Variants in SPTB observed in about 807,000 individuals in gnomAD.
SPTB encodes spectrin beta, erythrocytic.
In SPTB, 45 loss-of-function variants were observed where a neutral mutation model predicts 256.2. The observed-to-expected ratio is 0.18, with a 90% CI of 0.14 to 0.23. The LOEUF (loss-of-function observed/expected upper bound fraction) is 0.23. SPTB is among the 10% of genes least tolerant of loss of function. The pLI is 1.00. For synonymous variants in SPTB, 1,231 were observed against 1,243.1 expected (o/e 0.99, Z 0.21); for missense variants, 2,715 against 3,040.4 (o/e 0.89, Z 2.52).
In SPTB at chr14:64,777,465, T is replaced by C. The variant is rs552479526; in HGVS notation, c.4563+1692A>G. Among the ~76,000 whole-genome samples the C allele has an allele frequency of 9.2e-5, 14 of 152,298 alleles. No homozygotes were observed. The highest frequency in any genetic ancestry group is 3.9e-4 in the Admixed American group (6 of 15,306). ...ATCTGTCTAAAAGTTCCCTAGGTGA[T>C]GTGAGTGTACAGCCAGGGGTGAGAG... On this transcript the variant is annotated intron_variant, in intron 22 of 35. Transcript: ENST00000644917. The surrounding 1 kb of genome is among the most constrained non-coding windows in gnomAD (Gnocchi z 4.5).
intron 2 of SPTB, among the ~76,000 whole-genome samples, chr14:64,822,351 T>TCTCTC (rs2083302554): frequency 1.2e-4 from 1 of 8,190 alleles, no homozygotes; most frequent in African/African-American, 6.5e-4. Flanking sequence ...CACCCCCACC[T>TCTCTC]TCTCTCTCTC....
intron 1 of SPTB, among the ~76,000 whole-genome samples, chr14:64,863,803 T>C (rs1283660208): frequency 6.6e-6 from 1 of 152,208 alleles, no homozygotes; most frequent in East Asian, 1.9e-4. Context: ...GGCTTTTGGG[T>C]CAAGTAGATC....
rs2083016028 is a variant in SPTB at position 64,807,946 on chromosome 14, G to C, written c.149-2856C>G. ...CCCTAACCCTGCCAGTGCAGGAAGG[G>C]GGTGAGTCCACCAGCATGGACTGGC... On this transcript the variant is annotated intron_variant, in intron 2 of 35. Coordinates refer to ENST00000644917, the MANE Select transcript of SPTB (RefSeq NM_001355436.2). The surrounding 1 kb of genome is among the most constrained non-coding windows in gnomAD (Gnocchi z 4.7). 6.6e-6 allele frequency among the ~76,000 whole-genome samples: 1 copy of C among 152,236 alleles called. No homozygotes were observed. Among genetic ancestry groups the C allele is most frequent in the African/African-American group, 2.4e-5 (1 of 41,466 alleles).
At position 64,747,528 on chromosome 14, in the gene SPTB, C is replaced by T. The variant is rs561482308; in HGVS notation, c.*1778G>A. 34 of 152,750 alleles carry T rather than the reference C, an allele frequency of 2.2e-4. No homozygotes were observed. The highest frequency in any genetic ancestry group is 7.7e-4 in the African/African-American group (32 of 41,582). The allele number at this position is 152,750 out of a possible 1,614,324, so 9.5% of individuals were successfully genotyped here. The stretch of plus-strand genomic sequence containing the variant: ...TCAGGCTCCATCGGATGACGTCTTC[C>T]TTCCTGTGGCTCCTGCCTGCTGCAG... On this transcript the variant is annotated 3_prime_UTR_variant, in exon 36 of 36. Transcript: ENST00000644917.
Position 64,746,444 on chromosome 14 carries a change from T to G in SPTB, c.*2862A>C, listed in dbSNP as rs1034948799. 7.9e-5 allele frequency: 12 copies of G among 152,728 alleles called. No homozygotes were observed. The highest frequency in any genetic ancestry group is 2.4e-4 in the African/African-American group (10 of 41,452). 9.5% of individuals were successfully genotyped at this position (152,728 alleles called of 1,614,324 possible). On this transcript the variant is annotated 3_prime_UTR_variant, in exon 36 of 36. Transcript: ENST00000644917. The surrounding 1 kb of genome is among the most constrained non-coding windows in gnomAD (Gnocchi z 4.9). ...GTTGCATTCCTCTGCAGCCGCCGCC[T>G]CCTCATTTCCTCCCTGAGCTTGTTT...
rs370207013 is a variant in SPTB, at chr14:64,749,315, T to C, written c.6978A>G (p.Lys2326=). ...DKEKRFSFFP[K]KK The stretch of plus-strand genomic sequence containing the variant: ...CCGCCAGCCCCACCTGCTACTTCTT[T>C]TTGGGGAAGAAGCTGAATCTCTTCT... The change falls in exon 36 of 36, where the codon AAA becomes AAG. Residue 2326 remains lysine, a synonymous_variant. Transcript: ENST00000644917. The surrounding 1 kb of genome is among the most constrained non-coding windows in gnomAD (Gnocchi z 4.7). 5.6e-6 allele frequency: 9 copies of C among 1,603,996 alleles called. No homozygotes were observed. The African/African-American group carries it at 8.0e-5, about 14-fold the overall frequency.
At chr14:64,820,697 GTCTTGC>G (rs1280919490) in intron 2 of SPTB, among the ~76,000 whole-genome samples, 1 of 152,158 alleles carries the variant, frequency 6.6e-6, no homozygotes, top group African/African-American at 2.4e-5. Flanking sequence ...TAAACACAGA[GTCTTGC>G]TCTGTCACCC....
At position 64,753,810 on chromosome 14, in the gene SPTB, G is replaced by A; in HGVS notation, c.6346-17C>T. On this transcript the variant is annotated splice_polypyrimidine_tract_variant and intron_variant, in intron 32 of 35. Transcript: ENST00000644917. The stretch of plus-strand genomic sequence containing the variant: ...TTCTTCCCCCTGCTCAGGGCATAGG[G>A]AGGAGCACACCTTTCTGGGTACTCT... 1 of 1,611,376 alleles carries A rather than the reference G, an allele frequency of 6.2e-7. No individual in the cohort carries two copies. Among genetic ancestry groups the A allele is most frequent in the Non-Finnish European group, 8.5e-7 (1 of 1,180,012 alleles).
intron 2 of SPTB, among the ~76,000 whole-genome samples, chr14:64,822,372 T>TCACACACACACACA (rs1355459775): frequency 0.015 from 37 of 2,422 alleles, 1 homozygote; most frequent in Non-Finnish European, 0.028. Context: ...TCTCTCTCTC[T>TCACACACACACACA]CTCACACACA....
Position 64,785,897 on chromosome 14 carries a change from C to T in SPTB, c.3616G>A (p.Gly1206Arg), listed in dbSNP as rs1452230204. The change falls in exon 17 of 36, where the codon GGG becomes AGG. Residue 1206 changes from glycine (G) to arginine (R), a missense_variant. Coordinates refer to ENST00000644917, the MANE Select transcript of SPTB (RefSeq NM_001355436.2). This position sits in a 1 kb window ranked among gnomAD's most constrained non-coding sequence, Gnocchi z 4.4. ...AAGAAATCCTCAAACTTCCGGATCC[C>T]AGCCTCTGCAGCTTCCAGGGAGTCT... is the stretch of plus-strand genomic sequence containing the variant. ...PPDSLEAAEA[G>R]IRKFEDFLGS... 1 of 1,614,114 alleles carries T rather than the reference C, an allele frequency of 6.2e-7. No individual in the cohort carries two copies. Among genetic ancestry groups the T allele is most frequent in the South Asian group, 1.1e-5 (1 of 91,072 alleles).
At chr14:64,808,880 G>T (rs1354235511) in intron 2 of SPTB, among the ~76,000 whole-genome samples, 1 of 152,038 alleles carries the variant, frequency 6.6e-6, no homozygotes, top group Non-Finnish European at 1.5e-5. Flanking sequence ...GAGTGGTTGA[G>T]GGGGCACCTG....
rs1490791745 is a variant in SPTB at position 64,802,358 on chromosome 14, A to T, written c.475-41T>A. On this transcript the variant is annotated intron_variant, in intron 4 of 35. Coordinates refer to ENST00000644917, the MANE Select transcript of SPTB (RefSeq NM_001355436.2). This position sits in a 1 kb window ranked among gnomAD's most constrained non-coding sequence, Gnocchi z 5.1. ...CAAGAGAGATTTGAAGAGGATGTGCATCTGGATCTGTGCTTTCCTGCCGTC... is the reference window on the plus strand; with the variant it reads ...CAAGAGAGATTTGAAGAGGATGTGCTTCTGGATCTGTGCTTTCCTGCCGTC... 6.3e-7 allele frequency: 1 copy of T among 1,595,642 alleles called. No individual in the cohort carries two copies. The highest frequency in any genetic ancestry group is 8.6e-7 in the Non-Finnish European group (1 of 1,165,170).
chr14:64,832,338 G>A (rs1022349375), intron 1 of SPTB, among the ~76,000 whole-genome samples: 1 of 152,164 alleles, frequency 6.6e-6, no homozygotes, highest in Admixed American at 6.5e-5. Flanking sequence ...AAAATTTTCT[G>A]AAATCATTTC....
intron 1 of SPTB, among the ~76,000 whole-genome samples, chr14:64,854,059 G>A (rs1248607583): frequency 1.3e-5 from 2 of 151,720 alleles, no homozygotes; most frequent in African/African-American, 4.8e-5. Flanking sequence ...GGGCATGGTG[G>A]CAGGTGACTG....
In SPTB at chr14:64,793,397, T is replaced by G; in HGVS notation, c.2266A>C (p.Lys756Gln). The G allele has an allele frequency of 6.2e-7, 1 of 1,613,406 alleles. No individual in the cohort carries two copies. The highest frequency in any genetic ancestry group is 8.5e-7 in the Non-Finnish European group (1 of 1,180,034). ...CGGTGGGCGTCTTGCAGCCAAGCCTTCAGGTCATCCGCATCGCCCTGGAAC... is the reference window on the plus strand; with the variant it reads ...CGGTGGGCGTCTTGCAGCCAAGCCTGCAGGTCATCCGCATCGCCCTGGAAC... ...FQFQGDADDL[K>Q]AWLQDAHRLL... The change falls in exon 14 of 36, where the codon AAG becomes CAG. Residue 756 changes from lysine (K) to glutamine (Q), a missense_variant. By Grantham distance (53) the Lys-to-Gln change is moderately conservative (BLOSUM62 1). Coordinates refer to ENST00000644917, the MANE Select transcript of SPTB (RefSeq NM_001355436.2). This position sits in a 1 kb window ranked among gnomAD's most constrained non-coding sequence, Gnocchi z 7.0.
At chr14:64,766,063 T>TG (rs375565073) in intron 32 of SPTB, among the ~76,000 whole-genome samples, 44 of 140,466 alleles carry the variant, frequency 3.1e-4, no homozygotes, top group South Asian at 6.8e-4. Context: ...GAGGTGTGTA[T>TG]GGGGGGTGTG....
chr14:64,770,799 G>A (rs1013127797), intron 27 of SPTB, 86 bp downstream of exon 27: 19 of 1,589,820 alleles, frequency 1.2e-5, no homozygotes, highest in Middle Eastern at 1.8e-4. Flanking sequence ...GTCCCTTCAC[G>A]GAGGAGCCAC....
Position 64,824,131 on chromosome 14 carries a change from C to T in SPTB, c.-51-986G>A, listed in dbSNP as rs145979487. Among the ~76,000 whole-genome samples, 33 of 152,260 alleles carry T rather than the reference C, an allele frequency of 2.2e-4. No homozygotes were observed. Among genetic ancestry groups the T allele is most frequent in the Middle Eastern group, 3.4e-3 (1 of 294 alleles). On this transcript the variant is annotated intron_variant, in intron 1 of 35. Coordinates refer to ENST00000644917, the MANE Select transcript of SPTB (RefSeq NM_001355436.2). This position sits in a 1 kb window ranked among gnomAD's most constrained non-coding sequence, Gnocchi z 5.7. Reference sequence around the variant, plus strand: ...AGAGCTTGGAATCTGGTGGCAGAGACACACAATTAAACAAGCAACTACAAG... The same window carrying T: ...AGAGCTTGGAATCTGGTGGCAGAGATACACAATTAAACAAGCAACTACAAG...
chr14:64,783,261 T>C (rs1340683833), intron 19 of SPTB, among the ~76,000 whole-genome samples: 2 of 152,152 alleles, frequency 1.3e-5, no homozygotes, highest in African/African-American at 4.8e-5. Flanking sequence ...TGGAATGTAG[T>C]GGCACAATCT....
Sources: allele counts gnomAD v4.1 joint callset (sites outside exome capture counted in the v4.1 genomes callset), GRCh38; gene constraint gnomAD v4.1.1; non-coding constraint Gnocchi (gnomAD v3.1); transcripts MANE v1.5; gene names NCBI Gene and HGNC (gene_info 2026-07-23, HGNC 2026-07-21).